LARGE1: variants seen among roughly 807,000 people sequenced by gnomAD.
The protein encoded by LARGE1 is xylosyl- and glucuronyltransferase LARGE1.
LARGE1 carries 43 observed loss-of-function variants against 87.6 expected under a neutral mutation model. That is an observed-to-expected ratio of 0.49 (90% CI 0.38 to 0.63). The LOEUF (loss-of-function observed/expected upper bound fraction) is 0.63, where lower values mean the gene tolerates loss of function less well. LARGE1 is among the 30% of genes least tolerant of loss of function. LARGE1 has a pLI of 0.00. For synonymous variants in LARGE1, 434 were observed against 394.6 expected (o/e 1.10, Z -1.18); for missense variants, 802 against 1,000.2 (o/e 0.80, Z 2.67).
At chr22:33,228,937 G>A (rs1386258401) in intron 11 of LARGE1, among the ~76,000 whole-genome samples, 5 of 152,080 alleles carry the variant, frequency 3.3e-5, no homozygotes, top group Non-Finnish European at 5.9e-5. Context: ...ATAAGGCTGG[G>A]AACCTTGAAA....
intron 11 of LARGE1, among the ~76,000 whole-genome samples, chr22:33,191,845 C>T (rs972353755): frequency 1.3e-5 from 2 of 152,070 alleles, no homozygotes; most frequent in Non-Finnish European, 2.9e-5. Flanking sequence ...ACCATGGAAA[C>T]ATATTTCTTA....
chr22:33,808,542 A>G (rs944861196), intron 1 of LARGE1, among the ~76,000 whole-genome samples: 12 of 152,030 alleles, frequency 7.9e-5, no homozygotes, highest in Non-Finnish European at 1.8e-4. Flanking sequence ...ATGAAATCAA[A>G]CAGTATTTAT....
chr22:33,182,127 T>C (rs924882509), intron 11 of LARGE1, among the ~76,000 whole-genome samples: 2 of 152,210 alleles, frequency 1.3e-5, no homozygotes, highest in Non-Finnish European at 2.9e-5. Flanking sequence ...CAACAGGGTA[T>C]ATTACTTTTG....
At chr22:33,267,261 C>A (rs914098281) in intron 11 of LARGE1, among the ~76,000 whole-genome samples, 1 of 151,394 alleles carries the variant, frequency 6.6e-6, no homozygotes, top group Non-Finnish European at 1.5e-5. Context: ...AATAAAACCC[C>A]AAAAAATCCC....
chr22:33,644,983 C>T (rs776772900), intron 3 of LARGE1, among the ~76,000 whole-genome samples: 7 of 152,100 alleles, frequency 4.6e-5, no homozygotes, highest in East Asian at 1.9e-4. Flanking sequence ...CCATACTGCC[C>T]GAAGTAATTT....
chr22:33,777,660 G>GAGGGGA, intron 1 of LARGE1, among the ~76,000 whole-genome samples: 1 of 110,036 alleles, frequency 9.1e-6, no homozygotes. Context: ...GGGGGAGGGG[G>GAGGGGA]AGGGGAAGGG....
chr22:33,689,784 AG>A (rs2082045943), intron 2 of LARGE1, among the ~76,000 whole-genome samples: 1 of 151,788 alleles, frequency 6.6e-6, no homozygotes, highest in African/African-American at 2.4e-5. Context: ...AAAATTATCC[AG>A]GCATGGTGGT....
chr22:33,118,225 A>G, the LARGE1 span, among the ~76,000 whole-genome samples: 1 of 152,192 alleles, frequency 6.6e-6, no homozygotes, highest in South Asian at 2.1e-4. Flanking sequence ...GCTCATGCCT[A>G]TAATTCCAGC....
intron 1 of LARGE1, among the ~76,000 whole-genome samples, chr22:33,880,497 G>A (rs2064643874): frequency 6.6e-6 from 1 of 152,100 alleles, no homozygotes; most frequent in Non-Finnish European, 1.5e-5. Context: ...GACCTTATCC[G>A]TGCACAAGTC....
chr22:33,631,909 G>A (rs1289976636), intron 3 of LARGE1, among the ~76,000 whole-genome samples: 1 of 152,164 alleles, frequency 6.6e-6, no homozygotes, highest in Non-Finnish European at 1.5e-5. Context: ...TAGGCAATAG[G>A]AATTTTTAGC....
At chr22:33,421,019 C>A (rs1348433131) in intron 7 of LARGE1, among the ~76,000 whole-genome samples, 1 of 152,084 alleles carries the variant, frequency 6.6e-6, no homozygotes, top group African/African-American at 2.4e-5. Flanking sequence ...GAAACCCCAT[C>A]TCTACCAAAA....
intron 11 of LARGE1, among the ~76,000 whole-genome samples, chr22:33,312,635 A>G (rs941044875): frequency 6.6e-6 from 1 of 152,112 alleles, no homozygotes; most frequent in African/African-American, 2.4e-5. Flanking sequence ...TTTGCTGATA[A>G]TCTGAATGCA....
chr22:33,509,838 A>G (rs181797791), intron 6 of LARGE1, among the ~76,000 whole-genome samples: 35 of 152,304 alleles, frequency 2.3e-4, no homozygotes, highest in East Asian at 1.2e-3. Flanking sequence ...GTCTGCTTTC[A>G]TTTAGACAGA....
At chr22:33,605,342 G>A (rs992432463) in intron 4 of LARGE1, among the ~76,000 whole-genome samples, 1 of 152,100 alleles carries the variant, frequency 6.6e-6, no homozygotes, top group African/African-American at 2.4e-5. Flanking sequence ...TGCTTTTACT[G>A]AGGCAGCACC....
chr22:33,448,407 G>C (rs1009893960), intron 6 of LARGE1, among the ~76,000 whole-genome samples: 1 of 152,116 alleles, frequency 6.6e-6, no homozygotes, highest in African/African-American at 2.4e-5. Context: ...AATTTTATTT[G>C]TTAATTAAAC....
intron 2 of LARGE1, among the ~76,000 whole-genome samples, chr22:33,751,404 C>G (rs998930948): frequency 1.3e-5 from 2 of 150,664 alleles, no homozygotes; most frequent in Non-Finnish European, 3.0e-5. Flanking sequence ...TCGCTTGAAC[C>G]TGGGGATGGA....
chr22:33,143,540 A>C, the LARGE1 span, among the ~76,000 whole-genome samples: 1 of 152,308 alleles, frequency 6.6e-6, no homozygotes, highest in East Asian at 1.9e-4. Context: ...AGTATCTATC[A>C]TAATAAAATT....
At chr22:33,106,732 G>T in the LARGE1 span, among the ~76,000 whole-genome samples, 5 of 152,150 alleles carry the variant, frequency 3.3e-5, no homozygotes, top group Non-Finnish European at 1.5e-5. Flanking sequence ...CTGAAGTCAG[G>T]TGATCCACCC....
chr22:33,387,954 C>T (rs1256185402), intron 7 of LARGE1, among the ~76,000 whole-genome samples: 1 of 152,202 alleles, frequency 6.6e-6, no homozygotes, highest in Non-Finnish European at 1.5e-5. Context: ...CTCCTCTCTT[C>T]CTCAAAGGCA....
Sources: gnomAD v4.1 joint callset for allele counts (sites outside exome capture counted in the v4.1 genomes callset) on GRCh38, gnomAD v4.1.1 for gene constraint, MANE v1.5 for transcripts, NCBI Gene and HGNC (gene_info 2026-07-23, HGNC 2026-07-21) for gene names.